Variants in HMCN1 observed in about 807,000 individuals in gnomAD.
HMCN1 encodes hemicentin-1.
Under a neutral mutation model 625.9 loss-of-function variants are expected in HMCN1, and 321 were observed. The observed-to-expected ratio is 0.51, with a 90% confidence interval of 0.47 to 0.56. The LOEUF (loss-of-function observed/expected upper bound fraction) is 0.56. Among genes scored for constraint, HMCN1 ranks in the 20% least tolerant of loss-of-function variants. HMCN1 has a pLI of 0.00. For synonymous variants in HMCN1, 2,425 were observed against 2,417.6 expected (o/e 1.00, Z -0.09); for missense variants, 6,588 against 6,887.3 (o/e 0.96, Z 1.54).
chr1:186,073,628 G>A (rs1658609253), intron 52 of HMCN1, among the ~76,000 whole-genome samples: 1 of 151,992 alleles, frequency 6.6e-6, no homozygotes, highest in South Asian at 2.1e-4. Flanking sequence ...TTTGCCAGGG[G>A]AGTAAAATAA....
chr1:186,078,843 G>A (rs1658988346), intron 55 of HMCN1, among the ~76,000 whole-genome samples: 1 of 152,170 alleles, frequency 6.6e-6, no homozygotes, highest in Non-Finnish European at 1.5e-5. Flanking sequence ...CTGAATGCAT[G>A]AACAGAGAGT....
At position 186,001,720 on chromosome 1, in the gene HMCN1, T is replaced by C. The variant is rs1217423296; in HGVS notation, c.4327T>C (p.Tyr1443His). ...AINIAGTSQKYFNIDVLVPPT... is the reference protein window; with the variant it reads ...AINIAGTSQKHFNIDVLVPPT... ...TAATATTGCAGGCACTTCTCAGAAGTACTTTAACATTGATGTGCTAGGTAA... is the reference window on the plus strand; with the variant it reads ...TAATATTGCAGGCACTTCTCAGAAGCACTTTAACATTGATGTGCTAGGTAA... Residue 1443 changes from tyrosine (Y) to histidine (H), a missense_variant, in exon 28 of 107, where the codon TAC becomes CAC. Around this residue, in one of 3 missense-constraint regions of HMCN1, gnomAD observed 4,628 missense variants for 4,853.1 expected, o/e 0.95. Coordinates refer to ENST00000271588, the MANE Select transcript of HMCN1 (RefSeq NM_031935.3). 2 of 1,612,414 alleles carry C rather than the reference T, an allele frequency of 1.2e-6. No individual in the cohort carries two copies. Among genetic ancestry groups the C allele is most frequent in the East Asian group, 4.5e-5 (2 of 44,810 alleles).
At chr1:186,074,509 G>A (rs772885209) in intron 52 of HMCN1, among the ~76,000 whole-genome samples, 24 of 151,690 alleles carry the variant, frequency 1.6e-4, no homozygotes, top group South Asian at 4.1e-4. Context: ...CAAATGCCTC[G>A]TAAAAATGTA....
intron 1 of HMCN1, among the ~76,000 whole-genome samples, chr1:185,803,845 A>C (rs568221934): frequency 6.6e-6 from 1 of 152,242 alleles, no homozygotes; most frequent in East Asian, 1.9e-4. Context: ...GATTATATCC[A>C]AGTTGCCTTC....
intron 89 of HMCN1, among the ~76,000 whole-genome samples, chr1:186,138,685 C>A (rs1174529959): frequency 6.6e-6 from 1 of 152,158 alleles, no homozygotes; most frequent in Non-Finnish European, 1.5e-5. Flanking sequence ...CTAAGTGAGG[C>A]CTCAGAGAAA....
rs1280938355 is a variant in HMCN1, at chr1:186,093,436, A to G, written c.10013-50A>G. The stretch of plus-strand genomic sequence containing the variant: ...TGTAGTAGAAATTATTTGAACTAGT[A>G]TTACATAATACATCCCTCTTCCCTC... On this transcript the variant is annotated intron_variant, in intron 65 of 106. Transcript: ENST00000271588. 4 of 1,595,176 alleles carry G rather than the reference A, an allele frequency of 2.5e-6. No individual in the cohort carries two copies. The Admixed American group carries it at 6.7e-5, about 27-fold the overall frequency.
rs563089539 is a variant in HMCN1 at position 185,803,452 on chromosome 1, A to G, written c.269-42574A>G. Among the ~76,000 whole-genome samples the G allele has an allele frequency of 1.1e-4, 16 of 152,206 alleles. No homozygotes were observed. The East Asian group carries it at 3.1e-3, about 29-fold the overall frequency. ...AAGCAACATCTGGTCATTTGAGCAG[A>G]AAGATCCATTATTTTTTCTTCAATA... On this transcript the variant is annotated intron_variant, in intron 1 of 106. Transcript: ENST00000271588.
At chr1:185,994,719 T>G in intron 23 of HMCN1, 96 bp from the exon 24 acceptor site, 1 of 1,245,260 alleles carries the variant, frequency 8.0e-7, no homozygotes, top group Non-Finnish European at 1.2e-6. Flanking sequence ...ATTTCACTTT[T>G]CCATGGCTGC....
chr1:185,887,804 G>C (rs1198214345), intron 4 of HMCN1, among the ~76,000 whole-genome samples: 1 of 138,248 alleles, frequency 7.2e-6, no homozygotes, highest in Non-Finnish European at 1.6e-5. Context: ...ATGATTTATA[G>C]TCCTTTGGGT....
At chr1:185,883,994 ATT>A (rs1445382743) in intron 4 of HMCN1, among the ~76,000 whole-genome samples, 3 of 148,296 alleles carry the variant, frequency 2.0e-5, no homozygotes, top group Non-Finnish European at 4.4e-5. Context: ...TTTAAAAATC[ATT>A]GGACTTTATA....
At chr1:185,785,783 A>C (rs2102187294) in intron 1 of HMCN1, among the ~76,000 whole-genome samples, 1 of 152,322 alleles carries the variant, frequency 6.6e-6, no homozygotes, top group East Asian at 1.9e-4. Flanking sequence ...TTAAAAATCA[A>C]ACATGTCATT....
chr1:185,781,909 C>T (rs1657146514), intron 1 of HMCN1, among the ~76,000 whole-genome samples: 1 of 152,172 alleles, frequency 6.6e-6, no homozygotes, highest in South Asian at 2.1e-4. Context: ...TCCTTGTTAA[C>T]TTTCTGTCTT....
rs1220304947 is a variant in HMCN1 at position 186,093,529 on chromosome 1, A to G, written c.10056A>G (p.Leu3352=). Residue 3352 remains leucine (L), a synonymous_variant, in exon 66 of 107, where the codon CTA becomes CTG. Coordinates refer to ENST00000271588, the MANE Select transcript of HMCN1 (RefSeq NM_031935.3). ...IRGNKDEAEK[L]MTLVDTSINI... ...GTAATAAAGATGAAGCAGAGAAACTAATGACTTTAGTGGATACTTCAATAA... is the reference window on the plus strand; with the variant it reads ...GTAATAAAGATGAAGCAGAGAAACTGATGACTTTAGTGGATACTTCAATAA... 1.2e-6 allele frequency: 2 copies of G among 1,613,478 alleles called. No homozygotes were observed. The highest frequency in any genetic ancestry group is 2.2e-5 in the South Asian group (2 of 91,080).
rs375565546 is a variant in HMCN1 at position 186,119,881 on chromosome 1, A to C, written c.12093A>C (p.Ser4031=). 15 of 1,613,970 alleles carry C rather than the reference A, an allele frequency of 9.3e-6. No homozygotes were observed. Among genetic ancestry groups the C allele is most frequent in the Non-Finnish European group, 1.2e-5 (14 of 1,179,976 alleles). The part of the protein sequence containing the change: ...WQKEGINVNT[S]GRNHAVLPSG... ...AAGAAGGCATCAATGTTAACACTTC[A>C]GGTACCTACCACTGTTTTTCTATCA... is the stretch of plus-strand genomic sequence containing the variant. The change falls in exon 79 of 107, where the codon TCA becomes TCC. Residue 4031 remains serine (S), a splice_region_variant and synonymous_variant. Transcript: ENST00000271588.
At chr1:185,987,313 G>C (rs1462021755) in intron 19 of HMCN1, 119 bp from the exon 20 acceptor site, 10 of 735,866 alleles carry the variant, frequency 1.4e-5, no homozygotes, top group Admixed American at 5.7e-5. Context: ...ATCAGAAAAT[G>C]TTAAATAATT....
At position 186,005,233 on chromosome 1, in the gene HMCN1, T is replaced by TTGTTTATAAA. The variant is rs1653502197; in HGVS notation, c.4475+1390_4475+1399dup. Among the ~76,000 whole-genome samples the TTGTTTATAAA allele has an allele frequency of 4.7e-5, 6 of 127,368 alleles. 1 individual carries two copies. The highest frequency in any genetic ancestry group is 1.7e-4 in the African/African-American group (6 of 35,012). The allele number at this position is 127,368 out of a possible 152,430, so 83.6% of individuals were successfully genotyped here. A position where few individuals can be genotyped will look rare whatever the true frequency, so the allele number is the denominator to read the frequency against. ...TAAATGTTTATAAACAATTTTTTAATTGTTTATAAACGTTTATAAACAAAT... is the reference window on the plus strand; with the variant it reads ...TAAATGTTTATAAACAATTTTTTAATTGTTTATAAATGTTTATAAACGTTTATAAACAAAT... On this transcript the variant is annotated intron_variant, in intron 29 of 106. Coordinates refer to ENST00000271588, the MANE Select transcript of HMCN1 (RefSeq NM_031935.3).
At chr1:185,929,156 C>T (rs1667421430) in intron 10 of HMCN1, among the ~76,000 whole-genome samples, 2 of 152,068 alleles carry the variant, frequency 1.3e-5, no homozygotes, top group East Asian at 1.9e-4. Context: ...TTCCCTTTTC[C>T]TCTTCCATAT....
At chr1:185,948,405 C>T (rs968397314) in intron 11 of HMCN1, among the ~76,000 whole-genome samples, 40 of 146,082 alleles carry the variant, frequency 2.7e-4, no homozygotes, top group Non-Finnish European at 3.0e-5. Flanking sequence ...GGGGTGGGGC[C>T]GTTTTATAGG....
rs1021276057 is a variant in HMCN1 at position 186,104,915 on chromosome 1, A to C, written c.10770+1247A>C. Among the ~76,000 whole-genome samples, 42 of 152,236 alleles carry C rather than the reference A, an allele frequency of 2.8e-4. 1 individual carries two copies. Among genetic ancestry groups the C allele is most frequent in the African/African-American group, 9.9e-4 (41 of 41,458 alleles). ...CAAAAAGTAGGCAAAAGAATTTGTG[A>C]CATTAGGAATAGCATGGAGACAGAA... is the stretch of plus-strand genomic sequence containing the variant. On this transcript the variant is annotated intron_variant, in intron 69 of 106. Coordinates refer to ENST00000271588, the MANE Select transcript of HMCN1 (RefSeq NM_031935.3).
Sources: gnomAD v4.1 joint callset for allele counts (sites outside exome capture counted in the v4.1 genomes callset) on GRCh38, gnomAD v4.1.1 for gene constraint, gnomAD v4.1.1 regional missense constraint, MANE v1.5 for transcripts, NCBI Gene and HGNC (gene_info 2026-07-23, HGNC 2026-07-21) for gene names.